The following RSU1 variants were observed in gnomAD, a reference collection of about 807,000 sequenced individuals.
The protein encoded by RSU1 is rsu-1.
RSU1 carries 26 observed loss-of-function variants against 31.1 expected under a neutral mutation model. The ratio of observed to expected loss-of-function variants is 0.84; its 90% CI spans 0.61 to 1.16. The LOEUF (loss-of-function observed/expected upper bound fraction) is 1.16. Ranked by LOEUF, RSU1 falls within the 50% of genes most tolerant of loss-of-function variation. The pLI is 0.00. For synonymous variants in RSU1, 164 were observed against 136.3 expected, an observed-to-expected ratio of 1.20 and a Z score of -1.41; for missense variants, 320 against 339.1, an observed-to-expected ratio of 0.94 and a Z score of 0.44.
intron 7 of RSU1, among the ~76,000 whole-genome samples, chr10:16,714,371 G>T (rs1018993118): frequency 2.0e-5 from 3 of 152,204 alleles, no homozygotes; most frequent in African/African-American, 7.2e-5. Flanking sequence ...AGTTATTTGG[G>T]AGGGAGGGCT....
At chr10:16,796,294 T>C (rs145017277) in intron 2 of RSU1, among the ~76,000 whole-genome samples, 186 of 152,334 alleles carry the variant, frequency 1.2e-3, no homozygotes, top group African/African-American at 4.2e-3. Context: ...TAGATTGACA[T>C]TGATCATCAA....
intron 8 of RSU1, among the ~76,000 whole-genome samples, chr10:16,600,008 C>T (rs1268310989): frequency 6.6e-6 from 1 of 152,090 alleles, no homozygotes; most frequent in Non-Finnish European, 1.5e-5. Context: ...CATCTCTCCC[C>T]TGATAGCCGG....
intron 8 of RSU1, among the ~76,000 whole-genome samples, chr10:16,635,073 A>T (rs1196636908): frequency 6.6e-6 from 1 of 152,222 alleles, no homozygotes; most frequent in Non-Finnish European, 1.5e-5. Context: ...TCCATAAATG[A>T]ATGTTCACAG....
At chr10:16,719,007 T>G (rs1205470667) in intron 7 of RSU1, among the ~76,000 whole-genome samples, 4 of 149,584 alleles carry the variant, frequency 2.7e-5, no homozygotes, top group Admixed American at 2.0e-4. Flanking sequence ...AAAATTATGT[T>G]GGCTGGGCGT....
At chr10:16,613,181 CA>C (rs1191494455) in intron 8 of RSU1, among the ~76,000 whole-genome samples, 2 of 152,174 alleles carry the variant, frequency 1.3e-5, no homozygotes, top group African/African-American at 4.8e-5. Context: ...CCAAAAGGCA[CA>C]CCAGTGAGGC....
intron 8 of RSU1, among the ~76,000 whole-genome samples, chr10:16,661,530 A>G (rs895283846): frequency 2.6e-5 from 4 of 152,196 alleles, no homozygotes; most frequent in Non-Finnish European, 5.9e-5. Flanking sequence ...ATGCCCATCC[A>G]ACATTAAGCT....
intron 8 of RSU1, among the ~76,000 whole-genome samples, chr10:16,623,909 CAT>C (rs1004184915): frequency 1.1e-4 from 17 of 152,222 alleles, no homozygotes; most frequent in African/African-American, 3.9e-4. Context: ...GACATTAAAA[CAT>C]AGGTTTTAAG....
chr10:16,631,259 G>A (rs950537131), intron 8 of RSU1, among the ~76,000 whole-genome samples: 9 of 152,166 alleles, frequency 5.9e-5, no homozygotes, highest in African/African-American at 1.7e-4. Context: ...TTGGGGGGAC[G>A]GTTCCGAGCG....
At chr10:16,757,270 G>C (rs1837115032) in intron 4 of RSU1, among the ~76,000 whole-genome samples, 1 of 151,890 alleles carries the variant, frequency 6.6e-6, no homozygotes. Flanking sequence ...AATAAAAGTT[G>C]ACAGATACTG....
chr10:16,741,243 C>T (rs1159419541), intron 7 of RSU1, among the ~76,000 whole-genome samples: 1 of 152,122 alleles, frequency 6.6e-6, no homozygotes, highest in Admixed American at 6.5e-5. Flanking sequence ...GGTGCTGGAA[C>T]AACAGGACAG....
At position 16,672,073 on chromosome 10, in the gene RSU1, C is replaced by T. The variant is rs1234941240; in HGVS notation, c.731+22950G>A. Among the ~76,000 whole-genome samples, 6 of 148,584 alleles carry T rather than the reference C, an allele frequency of 4.0e-5. No individual in the cohort carries two copies. The East Asian group carries it at 6.1e-4, about 15-fold the overall frequency. On this transcript the variant is annotated intron_variant, in intron 8 of 8. Transcript: ENST00000345264. Reference sequence around the variant, plus strand: ...CAGCACTTTAGGAGGCTGAGGCAGGCGGATCATGAGGTCAGGAGACTGAGA... The same window carrying T: ...CAGCACTTTAGGAGGCTGAGGCAGGTGGATCATGAGGTCAGGAGACTGAGA...
intron 2 of RSU1, among the ~76,000 whole-genome samples, chr10:16,809,975 A>T (rs1275981621): frequency 7.8e-6 from 1 of 127,404 alleles, no homozygotes; most frequent in Non-Finnish European, 1.6e-5. Context: ...AATCCCAGCA[A>T]TTTGGGAGGC....
intron 8 of RSU1, among the ~76,000 whole-genome samples, chr10:16,623,547 A>G (rs371641455): frequency 6.6e-6 from 1 of 152,200 alleles, no homozygotes; most frequent in Non-Finnish European, 1.5e-5. Flanking sequence ...ATACCCACCA[A>G]TGGGATTGCT....
chr10:16,737,229 G>A (rs1006888485), intron 7 of RSU1, among the ~76,000 whole-genome samples: 2 of 151,562 alleles, frequency 1.3e-5, no homozygotes, highest in East Asian at 3.9e-4. Flanking sequence ...TTAAAAAATG[G>A]CTGAAAATTT....
intron 8 of RSU1, among the ~76,000 whole-genome samples, chr10:16,625,726 C>T (rs73601042): frequency 6.6e-6 from 1 of 152,102 alleles, no homozygotes; most frequent in African/African-American, 2.4e-5. Flanking sequence ...GAAATCAAGA[C>T]GAGGTGGGTG....
chr10:16,807,504 C>T (rs957629657), intron 2 of RSU1, among the ~76,000 whole-genome samples: 5 of 152,054 alleles, frequency 3.3e-5, no homozygotes, highest in Non-Finnish European at 7.3e-5. Flanking sequence ...AATTAACATA[C>T]GGTATACAAA....
chr10:16,790,941 C>T (rs1219061282), intron 2 of RSU1, among the ~76,000 whole-genome samples: 8 of 152,284 alleles, frequency 5.3e-5, no homozygotes, highest in South Asian at 2.1e-4. Context: ...CCAATTAAAC[C>T]TCTTTTCTTC....
At chr10:16,641,449 G>A (rs1032173834) in intron 8 of RSU1, among the ~76,000 whole-genome samples, 2 of 149,528 alleles carry the variant, frequency 1.3e-5, no homozygotes, top group Non-Finnish European at 2.9e-5. Flanking sequence ...CCGAGACTGT[G>A]CCACTGCACT....
chr10:16,747,226 ACT>A (rs1272312517), intron 7 of RSU1, among the ~76,000 whole-genome samples: 1 of 151,662 alleles, frequency 6.6e-6, no homozygotes, highest in African/African-American at 2.4e-5. Flanking sequence ...TCAATCTTTC[ACT>A]CTCTGCAGTC....
Sources: gnomAD v4.1 joint callset for allele counts (sites outside exome capture counted in the v4.1 genomes callset) on GRCh38, gnomAD v4.1.1 for gene constraint, MANE v1.5 for transcripts, NCBI Gene and HGNC (gene_info 2026-07-23, HGNC 2026-07-21) for gene names.